The following RBPJ variants were observed in gnomAD, a reference collection of about 807,000 sequenced individuals.
RBPJ encodes the protein recombination signal binding protein for immunoglobulin kappa J region, also known as recombining binding protein suppressor of hairless.
A neutral mutation model predicts 67.8 loss-of-function variants in RBPJ; 9 were observed. The ratio of observed to expected loss-of-function variants is 0.13; its 90% CI spans 0.08 to 0.23. The LOEUF (loss-of-function observed/expected upper bound fraction) is 0.23, where lower values mean the gene tolerates loss of function less well. RBPJ is among the 10% of genes least tolerant of loss of function. The pLI is 1.00. For missense variants in RBPJ, 305 were observed against 595.6 expected (o/e 0.51, Z 5.08); for synonymous variants, 198 against 203.3 (o/e 0.97, Z 0.22).
chr4:26,198,390 G>A (rs980311210), intron 1 of RBPJ, among the ~76,000 whole-genome samples: 3 of 152,158 alleles, frequency 2.0e-5, no homozygotes, highest in Non-Finnish European at 4.4e-5. Context: ...GAAGTCAAGG[G>A]TTCATTGCTG....
At chr4:26,320,060 G>A (rs1399734115), upstream of RBPJ, among the ~76,000 whole-genome samples, 1 of 152,220 alleles carries the variant, frequency 6.6e-6, no homozygotes, top group Non-Finnish European at 1.5e-5. Flanking sequence ...TGCAGTAGTG[G>A]TCTCAACACA....
chr4:26,264,450 G>A lies in RBPJ; in HGVS notation c.-166-97996G>A, dbSNP rs750071068. 1.1e-4 allele frequency among the ~76,000 whole-genome samples: 17 copies of A among 151,912 alleles called. No individual in the cohort carries two copies. The highest frequency in any genetic ancestry group is 1.9e-4 in the Non-Finnish European group (13 of 67,990). On this transcript the variant is annotated intron_variant, in intron 1 of 4. Transcript: ENST00000512351. The surrounding 1 kb of genome is among the most constrained non-coding windows in gnomAD (Gnocchi z 4.1). ...ACATATTGTAGCCATAGTGATCTTC[G>A]TAAACTGTCCATTTGATCCTTCCAT... is the stretch of plus-strand genomic sequence containing the variant.
At chr4:26,319,646 T>C (rs545085233), upstream of RBPJ, 2 of 614,254 alleles carry the variant, frequency 3.3e-6, no homozygotes, top group Non-Finnish European at 5.9e-6. Context: ...ACGGCCGTGT[T>C]GTGTCTGAGC....
At chr4:26,126,066 TA>T in the RBPJ span, among the ~76,000 whole-genome samples, 18 of 150,692 alleles carry the variant, frequency 1.2e-4, no homozygotes, top group African/African-American at 2.2e-4. Flanking sequence ...AGAATTGCTT[TA>T]AAAAAAAAAT....
At chr4:26,372,807 C>T (rs146032498) in intron 1 of RBPJ, among the ~76,000 whole-genome samples, 12 of 152,332 alleles carry the variant, frequency 7.9e-5, no homozygotes, top group African/African-American at 2.9e-4. Flanking sequence ...CAAGGCAAAG[C>T]AGCTTGCAGT....
chr4:26,415,247 C>T (rs894620729), intron 3 of RBPJ, among the ~76,000 whole-genome samples: 1 of 152,142 alleles, frequency 6.6e-6, no homozygotes, highest in Non-Finnish European at 1.5e-5. Context: ...TAACTGTATG[C>T]ATAACTCCAA....
chr4:26,418,286 A>C (rs1277751632), intron 4 of RBPJ, among the ~76,000 whole-genome samples: 1 of 152,234 alleles, frequency 6.6e-6, no homozygotes, highest in Admixed American at 6.5e-5. Context: ...AACCTTTTGC[A>C]ATAGCAAGGC....
chr4:26,226,094 A>G (rs1355746040), intron 1 of RBPJ, among the ~76,000 whole-genome samples: 1 of 151,014 alleles, frequency 6.6e-6, no homozygotes, highest in Admixed American at 6.6e-5. Flanking sequence ...GGTTGCAGTG[A>G]GCCAAGATCA....
At chr4:26,121,352 T>C in the RBPJ span, among the ~76,000 whole-genome samples, 1 of 152,122 alleles carries the variant, frequency 6.6e-6, no homozygotes, top group Admixed American at 6.6e-5. Flanking sequence ...GACAAGTTTG[T>C]GCCCAAATAA....
chr4:26,230,655 C>T (rs569438936), intron 1 of RBPJ, among the ~76,000 whole-genome samples: 1 of 152,300 alleles, frequency 6.6e-6, no homozygotes, highest in South Asian at 2.1e-4. Context: ...ATATAGATTT[C>T]TTTGTTTCAT....
chr4:26,184,858 TG>T (rs1480543665), intron 1 of RBPJ, among the ~76,000 whole-genome samples: 3 of 152,162 alleles, frequency 2.0e-5, no homozygotes, highest in Non-Finnish European at 4.4e-5. Context: ...ATAGTTATGT[TG>T]GGCCGGGTGC....
At position 26,431,858 on chromosome 4, in the gene RBPJ, G is replaced by T. The variant is rs1229992165; in HGVS notation, c.*851G>T. ...TTTTAAAAAAAAATATGGACTTATT[G>T]TGGTTATCTGAGAGGTTCTAACATT... On this transcript the variant is annotated 3_prime_UTR_variant, in exon 11 of 11. Transcript: ENST00000355476. The T allele has an allele frequency of 6.6e-6, 1 of 151,994 alleles. No individual in the cohort carries two copies. 9.4% of individuals were successfully genotyped at this position (151,994 alleles called of 1,614,324 possible). A position where few individuals can be genotyped will look rare whatever the true frequency, so the allele number is the denominator to read the frequency against.
chr4:26,231,796 G>C (rs548061984), intron 1 of RBPJ, among the ~76,000 whole-genome samples: 1 of 151,720 alleles, frequency 6.6e-6, no homozygotes, highest in Admixed American at 6.6e-5. Context: ...TGATCCACTC[G>C]CCTCAGCCTC....
intron 1 of RBPJ, among the ~76,000 whole-genome samples, chr4:26,359,433 TAACATTTTGTTGTA>T (rs1727779300): frequency 6.7e-6 from 1 of 150,044 alleles, no homozygotes. Flanking sequence ...TTTTTTTTTT[TAACATTTTGTTGTA>T]TTTACTTTAT....
chr4:26,278,343 A>G (rs879589651), intron 1 of RBPJ, among the ~76,000 whole-genome samples: 6 of 152,226 alleles, frequency 3.9e-5, no homozygotes, highest in Admixed American at 3.9e-4. Context: ...TCAAAGGACA[A>G]TTTGAAAAAC....
At chr4:26,380,634 A>AT (rs1255206976) in intron 1 of RBPJ, among the ~76,000 whole-genome samples, 2 of 151,922 alleles carry the variant, frequency 1.3e-5, no homozygotes, top group African/African-American at 2.4e-5. Context: ...CAGGTGGCCT[A>AT]TTTTTTCTCC....
the RBPJ span, among the ~76,000 whole-genome samples, chr4:26,140,326 G>A: frequency 6.6e-6 from 1 of 152,118 alleles, no homozygotes; most frequent in Non-Finnish European, 1.5e-5. Context: ...GATTCTTTTG[G>A]TTACAAGCAG....
At chr4:26,236,311 A>G (rs1195021496) in intron 1 of RBPJ, among the ~76,000 whole-genome samples, 2 of 152,212 alleles carry the variant, frequency 1.3e-5, no homozygotes, top group Non-Finnish European at 2.9e-5. Flanking sequence ...TAGTATCTGT[A>G]GTCATTATTT....
At chr4:26,429,176 G>C (rs1051434398) in intron 8 of RBPJ, among the ~76,000 whole-genome samples, 1 of 152,228 alleles carries the variant, frequency 6.6e-6, no homozygotes, top group Non-Finnish European at 1.5e-5. Flanking sequence ...TGAATCCTCT[G>C]AAATTGTGTG....
Sources: gnomAD v4.1 joint callset for allele counts (sites outside exome capture counted in the v4.1 genomes callset) on GRCh38, gnomAD v4.1.1 for gene constraint, Gnocchi (gnomAD v3.1) non-coding constraint, MANE v1.5 for transcripts, NCBI Gene and HGNC (gene_info 2026-07-23, HGNC 2026-07-21) for gene names.